INPP4B: variants seen among roughly 807,000 people sequenced by gnomAD.
INPP4B encodes the protein inositol polyphosphate-4-phosphatase type II B.
In INPP4B, 55 loss-of-function variants were observed where a neutral mutation model predicts 122.5. The ratio of observed to expected loss-of-function variants is 0.45; its 90% CI spans 0.36 to 0.56. The LOEUF (loss-of-function observed/expected upper bound fraction) is 0.56, where lower values mean the gene tolerates loss of function less well. Ranked by LOEUF, INPP4B falls within the 20% of genes least tolerant of loss-of-function variation. The pLI, the probability that INPP4B is intolerant of heterozygous loss-of-function variation, is 0.00. For synonymous variants in INPP4B, 403 were observed against 388.7 expected (o/e 1.04, Z -0.43); for missense variants, 1,000 against 1,097.7 (o/e 0.91, Z 1.26).
intron 2 of INPP4B, among the ~76,000 whole-genome samples, chr4:142,624,412 G>A (rs1745792321): frequency 6.6e-6 from 1 of 151,770 alleles, no homozygotes; most frequent in African/African-American, 2.4e-5. Context: ...TTTTGATGGG[G>A]TTGTTTGTTT....
intron 2 of INPP4B, among the ~76,000 whole-genome samples, chr4:142,646,430 C>A (rs931021142): frequency 3.9e-5 from 6 of 152,098 alleles, no homozygotes; most frequent in African/African-American, 1.4e-4. Flanking sequence ...TATCAGATTT[C>A]TTTATAGCAA....
intron 3 of INPP4B, among the ~76,000 whole-genome samples, chr4:142,440,467 G>A (rs1811447660): frequency 6.6e-6 from 1 of 152,194 alleles, no homozygotes; most frequent in Non-Finnish European, 1.5e-5. Context: ...TCAGAGAATT[G>A]CAAATAGTTC....
intron 15 of INPP4B, among the ~76,000 whole-genome samples, chr4:142,174,426 A>C (rs1827057601): frequency 6.6e-6 from 1 of 152,134 alleles, no homozygotes; most frequent in Admixed American, 6.6e-5. Context: ...GTGTGGAGGA[A>C]GTAAATTTTA....
At chr4:142,111,415 C>T (rs566962370) in intron 22 of INPP4B, among the ~76,000 whole-genome samples, 1 of 152,100 alleles carries the variant, frequency 6.6e-6, no homozygotes, top group Non-Finnish European at 1.5e-5. Flanking sequence ...GGTGCAATCT[C>T]AGCTCACCGC....
chr4:142,183,678 C>T (rs571693785), intron 15 of INPP4B, among the ~76,000 whole-genome samples: 38 of 152,242 alleles, frequency 2.5e-4, no homozygotes, highest in Admixed American at 1.4e-3. Flanking sequence ...TTCAAAAGTT[C>T]CTCCTTGGAT....
chr4:142,203,298 G>A (rs1841450584), intron 14 of INPP4B, among the ~76,000 whole-genome samples: 1 of 152,178 alleles, frequency 6.6e-6, no homozygotes, highest in South Asian at 2.1e-4. Context: ...GATTACAACA[G>A]ATCCATAAAC....
intron 15 of INPP4B, among the ~76,000 whole-genome samples, chr4:142,181,067 A>C (rs1830568354): frequency 6.6e-6 from 1 of 152,210 alleles, no homozygotes; most frequent in Admixed American, 6.5e-5. Flanking sequence ...AAGGGCTGGT[A>C]GTAAGAAAGA....
At chr4:142,333,011 A>G (rs1370269905) in intron 7 of INPP4B, among the ~76,000 whole-genome samples, 1 of 109,930 alleles carries the variant, frequency 9.1e-6, no homozygotes, top group African/African-American at 4.7e-5. Context: ...ACTCCGTCTC[A>G]AAAAAAAAAA....
At chr4:142,031,892 C>T (rs538464786) in intron 25 of INPP4B, among the ~76,000 whole-genome samples, 1 of 152,228 alleles carries the variant, frequency 6.6e-6, no homozygotes, top group Admixed American at 6.5e-5. Context: ...AGGTTGGATA[C>T]ATCAGATAGA....
chr4:142,358,711 A>T (rs1040601774), intron 7 of INPP4B, among the ~76,000 whole-genome samples: 1 of 150,824 alleles, frequency 6.6e-6, no homozygotes, highest in African/African-American at 2.4e-5. Context: ...GTTGAGAGCC[A>T]TGTCGAGCAG....
intron 16 of INPP4B, among the ~76,000 whole-genome samples, chr4:142,162,024 A>T (rs1320895507): frequency 6.6e-6 from 1 of 151,732 alleles, no homozygotes; most frequent in Non-Finnish European, 1.5e-5. Flanking sequence ...CAACTTTCCA[A>T]GTGTTTTGAA....
chr4:142,180,172 T>A (rs551251376), intron 15 of INPP4B, among the ~76,000 whole-genome samples: 1 of 152,348 alleles, frequency 6.6e-6, no homozygotes, highest in South Asian at 2.1e-4. Context: ...TGCACAACTC[T>A]GTAAACTTAC....
At chr4:142,322,225 C>G (rs775003112) in intron 7 of INPP4B, among the ~76,000 whole-genome samples, 1 of 151,854 alleles carries the variant, frequency 6.6e-6, no homozygotes, top group Non-Finnish European at 1.5e-5. Flanking sequence ...GATGCATGTA[C>G]AAACCTAAAT....
At chr4:142,344,540 A>T (rs1779706420) in intron 7 of INPP4B, among the ~76,000 whole-genome samples, 1 of 152,074 alleles carries the variant, frequency 6.6e-6, no homozygotes, top group Admixed American at 6.6e-5. Flanking sequence ...TATCAGATGC[A>T]ACAAGAAAAA....
intron 2 of INPP4B, among the ~76,000 whole-genome samples, chr4:142,512,714 T>A (rs1185873057): frequency 6.6e-6 from 1 of 152,200 alleles, no homozygotes; most frequent in Non-Finnish European, 1.5e-5. Context: ...CACAACTACC[T>A]AAGCAGAGCC....
chr4:142,364,527 G>A (rs984177707), intron 7 of INPP4B, among the ~76,000 whole-genome samples: 3 of 152,030 alleles, frequency 2.0e-5, no homozygotes, highest in Non-Finnish European at 4.4e-5. Context: ...TATCTTCCCT[G>A]TGTCCATCTA....
intron 11 of INPP4B, among the ~76,000 whole-genome samples, chr4:142,256,540 A>G (rs1736188535): frequency 6.6e-6 from 1 of 152,226 alleles, no homozygotes. Flanking sequence ...CCGATCCCAC[A>G]GAAATACAAA....
At chr4:142,580,145 A>G (rs1216233627) in intron 2 of INPP4B, among the ~76,000 whole-genome samples, 11 of 151,414 alleles carry the variant, frequency 7.3e-5, no homozygotes, top group Admixed American at 6.0e-4. Flanking sequence ...ATTACCCAGG[A>G]GAGCATTGTG....
intron 16 of INPP4B, among the ~76,000 whole-genome samples, chr4:142,167,435 A>T (rs1823347010): frequency 1.3e-5 from 2 of 151,774 alleles, no homozygotes. Flanking sequence ...ATAAATAGCT[A>T]ATGCATGCAG....
Sources: allele counts gnomAD v4.1 joint callset (sites outside exome capture counted in the v4.1 genomes callset), GRCh38; gene constraint gnomAD v4.1.1; transcripts MANE v1.5; gene names NCBI Gene and HGNC (gene_info 2026-07-23, HGNC 2026-07-21).